Variants in MTARC2 observed in about 807,000 individuals in gnomAD.
MTARC2 encodes mitochondrial amidoxime reducing component 2, also known as MOCO sulphurase C-terminal domain containing 2.
MTARC2 carries 27 observed loss-of-function variants against 35.6 expected under a neutral mutation model. The observed-to-expected ratio is 0.76, with a 90% CI of 0.56 to 1.04. The LOEUF (loss-of-function observed/expected upper bound fraction) is 1.04, where lower values mean the gene tolerates loss of function less well. Ranked by LOEUF, MTARC2 falls within the 50% of genes least tolerant of loss-of-function variation. The pLI, the probability that MTARC2 is intolerant of heterozygous loss-of-function variation, is 0.00. For synonymous variants in MTARC2, 158 were observed against 167.1 expected (o/e 0.95, Z 0.42); for missense variants, 412 against 432.5 (o/e 0.95, Z 0.42).
At chr1:220,763,623 C>G (rs1446150784) in intron 4 of MTARC2, among the ~76,000 whole-genome samples, 1 of 152,212 alleles carries the variant, frequency 6.6e-6, no homozygotes, top group South Asian at 2.1e-4. Context: ...CCAGTAGAAA[C>G]CCTGAACTCT....
chr1:220,777,441 C>T lies in MTARC2; in HGVS notation c.751-2577C>T, dbSNP rs11118602. 5.5e-3 allele frequency among the ~76,000 whole-genome samples: 837 copies of T among 152,300 alleles called. 6 individuals are homozygous for T. The East Asian group carries it at 0.056, about 10-fold the overall frequency. ...GGGAGAAAAGTTATGGGGCTAGTCC[C>T]TACCCCCTGCCCTGCTCTGCCTCCT... On this transcript the variant is annotated intron_variant, in intron 4 of 7. Transcript: ENST00000366913.
intron 2 of MTARC2, among the ~76,000 whole-genome samples, chr1:220,757,286 G>A (rs1004892858): frequency 6.6e-6 from 1 of 152,246 alleles, no homozygotes; most frequent in Non-Finnish European, 1.5e-5. Flanking sequence ...AACCCTGGCA[G>A]TTTGGTGAAA....
chr1:220,762,679 A>T (rs548967414), intron 3 of MTARC2, among the ~76,000 whole-genome samples: 14 of 152,282 alleles, frequency 9.2e-5, no homozygotes, highest in African/African-American at 3.4e-4. Context: ...AAGCCTGGTG[A>T]GTGACATTGG....
intron 7 of MTARC2, among the ~76,000 whole-genome samples, chr1:220,782,413 A>T (rs921027844): frequency 6.6e-6 from 1 of 152,304 alleles, no homozygotes; most frequent in South Asian, 2.1e-4. Flanking sequence ...AAATCAGTGC[A>T]TCATGGTGAC....
chr1:220,765,082 C>G (rs1671545399), intron 4 of MTARC2, among the ~76,000 whole-genome samples: 1 of 152,136 alleles, frequency 6.6e-6, no homozygotes, highest in African/African-American at 2.4e-5. Flanking sequence ...GTAGAACTAC[C>G]TAAATCTGCC....
At chr1:220,768,576 T>C (rs112283917) in intron 4 of MTARC2, among the ~76,000 whole-genome samples, 3 of 152,282 alleles carry the variant, frequency 2.0e-5, no homozygotes, top group African/African-American at 7.2e-5. Context: ...GCCACCTTGT[T>C]AAAGCCATTT....
Position 220,748,635 on chromosome 1 carries a change from T to G in MTARC2, c.104T>G (p.Leu35Arg). ...VAALGLAAVA[L>R]GTVAWRRAWP... ...GCGCTAGGACTGGCCGCCGTGGCCC[T>G]GGGGACTGTCGCCTGGCGCCGCGCA... Residue 35 changes from leucine to arginine, a missense_variant, in exon 1 of 8, where the codon CTG (leucine) becomes CGG (arginine). By Grantham distance (102) the Leu-to-Arg change is moderately radical. Transcript: ENST00000366913. The G allele has an allele frequency of 3.3e-6, 5 of 1,526,776 alleles. No homozygotes were observed. The highest frequency in any genetic ancestry group is 3.5e-6 in the Non-Finnish European group (4 of 1,141,288). The allele number at this position is 1,526,776 out of a possible 1,614,324, so 94.6% of individuals were successfully genotyped here. A position where few individuals can be genotyped will look rare whatever the true frequency, so the allele number is the denominator to read the frequency against.
chr1:220,776,264 C>A (rs544169815), intron 4 of MTARC2, among the ~76,000 whole-genome samples: 2 of 152,122 alleles, frequency 1.3e-5, no homozygotes, highest in East Asian at 3.9e-4. Flanking sequence ...TTTGCATTTC[C>A]CTAGTGATCA....
At chr1:220,779,990 T>TA in intron 4 of MTARC2, 28 bp from the exon 5 acceptor site, 1 of 1,503,410 alleles carries the variant, frequency 6.7e-7, no homozygotes, top group Non-Finnish European at 8.9e-7. Context: ...AGCCACCATT[T>TA]AAAAGATAAC....
At chr1:220,770,664 A>G (rs954889704) in intron 4 of MTARC2, 1 of 656,810 alleles carries the variant, frequency 1.5e-6, no homozygotes, top group African/African-American at 2.0e-5. Context: ...AAAGCAGTCC[A>G]GCACAGCCCA....
intron 4 of MTARC2, among the ~76,000 whole-genome samples, chr1:220,776,392 G>A (rs943623510): frequency 6.6e-6 from 1 of 151,966 alleles, no homozygotes; most frequent in African/African-American, 2.4e-5. Context: ...GAATGTAATG[G>A]AAATTTTAAT....
chr1:220,777,923 A>G (rs1671960939), intron 4 of MTARC2, among the ~76,000 whole-genome samples: 1 of 152,188 alleles, frequency 6.6e-6, no homozygotes, highest in Non-Finnish European at 1.5e-5. Flanking sequence ...ATAAAGAAAT[A>G]CCTGAGACTG....
intron 7 of MTARC2, among the ~76,000 whole-genome samples, chr1:220,782,549 G>A (rs918545734): frequency 6.6e-6 from 1 of 152,170 alleles, no homozygotes; most frequent in East Asian, 1.9e-4. Flanking sequence ...TTGGACAGAG[G>A]ACCTCAAATT....
chr1:220,768,807 C>A (rs1410206700), intron 4 of MTARC2, among the ~76,000 whole-genome samples: 5 of 152,164 alleles, frequency 3.3e-5, no homozygotes, highest in African/African-American at 1.2e-4. Flanking sequence ...AGTCATTTTT[C>A]TTTCGTAATG....
intron 4 of MTARC2, among the ~76,000 whole-genome samples, chr1:220,769,970 G>A (rs1671696348): frequency 7.4e-6 from 1 of 135,278 alleles, no homozygotes; most frequent in African/African-American, 2.7e-5. Context: ...AAGCGGGCGT[G>A]ATGGCGGGCG....
intron 4 of MTARC2, among the ~76,000 whole-genome samples, chr1:220,767,873 C>G (rs568222953): frequency 6.6e-6 from 1 of 152,204 alleles, no homozygotes; most frequent in Non-Finnish European, 1.5e-5. Context: ...CCAGTCCTAT[C>G]CTTTCCAGCT....
In MTARC2 at chr1:220,758,831, A is replaced by ATG. The variant is rs761426962; in HGVS notation, c.447-2809_447-2808dup. The stretch of plus-strand genomic sequence containing the variant: ...ATTTACAGAAAATTGATGTGAAAAT[A>ATG]TGTGTGTGTGTGTGTGTGTCTGGGT... On this transcript the variant is annotated intron_variant, in intron 2 of 7. Transcript: ENST00000366913. Among the ~76,000 whole-genome samples, 663 of 124,600 alleles carry ATG rather than the reference A, an allele frequency of 5.3e-3. 1 individual carries two copies. Among genetic ancestry groups the ATG allele is most frequent in the South Asian group, 8.1e-3 (31 of 3,804 alleles). The allele number at this position is 124,600 out of a possible 152,430, so 81.7% of individuals were successfully genotyped here.
intron 2 of MTARC2, among the ~76,000 whole-genome samples, chr1:220,756,087 A>G (rs562086617): frequency 3.9e-5 from 6 of 152,222 alleles, no homozygotes; most frequent in Non-Finnish European, 7.4e-5. Flanking sequence ...AGGGATTTCC[A>G]CTTCTGGCCA....
intron 7 of MTARC2, among the ~76,000 whole-genome samples, chr1:220,782,905 A>G (rs1488887844): frequency 6.6e-6 from 1 of 152,244 alleles, no homozygotes; most frequent in African/African-American, 2.4e-5. Context: ...CTTGAGTATT[A>G]ATTCATATAA....
Sources: gnomAD v4.1 joint callset for allele counts (sites outside exome capture counted in the v4.1 genomes callset) on GRCh38, gnomAD v4.1.1 for gene constraint, MANE v1.5 for transcripts, NCBI Gene and HGNC (gene_info 2026-07-23, HGNC 2026-07-21) for gene names.